The following AGBL4 variants were observed in gnomAD, a reference collection of about 807,000 sequenced individuals.
The protein encoded by AGBL4 is AGBL carboxypeptidase 4.
In AGBL4, 58 loss-of-function variants were observed where a neutral mutation model predicts 66.4. The ratio of observed to expected loss-of-function variants is 0.87; its 90% CI spans 0.71 to 1.09. The LOEUF is 1.09. Ranked by LOEUF, AGBL4 falls within the 50% of genes least tolerant of loss-of-function variation. AGBL4 has a pLI of 0.00. For synonymous variants in AGBL4, 234 were observed against 222.9 expected (o/e 1.05, Z -0.44); for missense variants, 579 against 631.0 (o/e 0.92, Z 0.88).
At chr1:48,589,179 C>T (rs775794567) in intron 10 of AGBL4, among the ~76,000 whole-genome samples, 50 of 152,166 alleles carry the variant, frequency 3.3e-4, no homozygotes, top group Non-Finnish European at 5.6e-4. Context: ...GAGCTACCTG[C>T]TTTGATTCTA....
At chr1:49,929,796 G>A (rs1571891719) in intron 1 of AGBL4, among the ~76,000 whole-genome samples, 1 of 152,038 alleles carries the variant, frequency 6.6e-6, no homozygotes, top group East Asian at 1.9e-4. Flanking sequence ...GTATTGTGTA[G>A]TCTATAAAAC....
chr1:48,712,509 T>TAATAAC, intron 6 of AGBL4, among the ~76,000 whole-genome samples: 1 of 152,176 alleles, frequency 6.6e-6, no homozygotes, highest in East Asian at 1.9e-4. Context: ...ATAGTGATAA[T>TAATAAC]AATAACATAG....
chr1:48,701,437 C>CT (rs369340298), intron 6 of AGBL4, among the ~76,000 whole-genome samples: 11 of 57,534 alleles, frequency 1.9e-4, no homozygotes, highest in South Asian at 3.3e-3. Context: ...ACCAGATTGG[C>CT]TTTTTTTTCT....
chr1:49,139,987 G>T (rs1040174189), intron 4 of AGBL4, among the ~76,000 whole-genome samples: 14 of 152,082 alleles, frequency 9.2e-5, no homozygotes, highest in African/African-American at 3.1e-4. Flanking sequence ...TCCACAAAAA[G>T]GGGGCTCAAA....
chr1:49,757,236 G>A (rs1178458325), intron 2 of AGBL4, among the ~76,000 whole-genome samples: 1 of 151,978 alleles, frequency 6.6e-6, no homozygotes. Flanking sequence ...ATTTTTTGAG[G>A]CTTCCCAGCC....
intron 6 of AGBL4, 99 bp from the exon 7 acceptor site, chr1:48,663,340 GT>G: frequency 1.8e-6 from 2 of 1,106,820 alleles, no homozygotes; most frequent in Non-Finnish European, 2.8e-6. Context: ...TGGGCTGGAT[GT>G]TTTACATTTA....
chr1:48,751,898 C>CTTTTAAAA (rs1651798705), intron 6 of AGBL4, among the ~76,000 whole-genome samples: 1 of 152,184 alleles, frequency 6.6e-6, no homozygotes, highest in Admixed American at 6.5e-5. Context: ...CTGAAATCAA[C>CTTTTAAAA]TTTTAAAATA....
At chr1:49,976,189 T>C (rs1312140771) in intron 1 of AGBL4, among the ~76,000 whole-genome samples, 1 of 152,230 alleles carries the variant, frequency 6.6e-6, no homozygotes, top group Non-Finnish European at 1.5e-5. Flanking sequence ...ATTATTTGTC[T>C]TTTTAATTTT....
chr1:49,174,567 G>A (rs1646796756), intron 4 of AGBL4, among the ~76,000 whole-genome samples: 1 of 152,062 alleles, frequency 6.6e-6, no homozygotes, highest in Non-Finnish European at 1.5e-5. Context: ...AGAACAAAAT[G>A]AAATTGTTTA....
intron 2 of AGBL4, among the ~76,000 whole-genome samples, chr1:49,734,849 ATTATT>A (rs1303551789): frequency 2.6e-5 from 4 of 151,214 alleles, no homozygotes; most frequent in African/African-American, 9.7e-5. Context: ...GGAAACTTAT[ATTATT>A]TTATTTCAAA....
chr1:49,700,276 C>A (rs1490830958), intron 2 of AGBL4, among the ~76,000 whole-genome samples: 3 of 148,436 alleles, frequency 2.0e-5, no homozygotes, highest in African/African-American at 7.4e-5. Flanking sequence ...GGTAATTCCA[C>A]CAAGAACATA....
chr1:49,941,097 C>G (rs560335849), intron 1 of AGBL4, among the ~76,000 whole-genome samples: 1 of 152,132 alleles, frequency 6.6e-6, no homozygotes, highest in Admixed American at 6.5e-5. Flanking sequence ...ACATATACAA[C>G]CTACCTAATA....
At chr1:49,201,922 T>A (rs1459056242) in intron 4 of AGBL4, among the ~76,000 whole-genome samples, 2 of 151,836 alleles carry the variant, frequency 1.3e-5, no homozygotes, top group African/African-American at 4.8e-5. Context: ...GTGGGAGAGA[T>A]GGAAAATCCC....
chr1:49,974,997 A>G (rs1326962078), intron 1 of AGBL4, among the ~76,000 whole-genome samples: 1 of 152,226 alleles, frequency 6.6e-6, no homozygotes, highest in Non-Finnish European at 1.5e-5. Context: ...TTTTAACAAA[A>G]GTATTCCATA....
intron 11 of AGBL4, among the ~76,000 whole-genome samples, chr1:48,543,911 G>T (rs1030565496): frequency 1.3e-5 from 2 of 152,132 alleles, no homozygotes; most frequent in Admixed American, 6.5e-5. Flanking sequence ...TTTGTCCAAG[G>T]CCACATAACT....
chr1:48,922,080 G>A (rs913109366), intron 5 of AGBL4, among the ~76,000 whole-genome samples: 7 of 152,134 alleles, frequency 4.6e-5, no homozygotes, highest in African/African-American at 1.4e-4. Flanking sequence ...GAGGGGCACA[G>A]CCCTTCTAGT....
At chr1:49,272,958 G>C (rs1306432529) in intron 3 of AGBL4, among the ~76,000 whole-genome samples, 1 of 152,044 alleles carries the variant, frequency 6.6e-6, no homozygotes, top group Non-Finnish European at 1.5e-5. Flanking sequence ...GGGTATTTTA[G>C]TCAGACGAGT....
chr1:49,485,637 A>C (rs960100885), intron 3 of AGBL4, among the ~76,000 whole-genome samples: 1 of 146,144 alleles, frequency 6.8e-6, no homozygotes, highest in East Asian at 2.0e-4. Flanking sequence ...AGGTGAAATT[A>C]AAAAAAAAAA....
intron 3 of AGBL4, among the ~76,000 whole-genome samples, chr1:49,314,077 T>G (rs1048509303): frequency 1.3e-5 from 2 of 152,192 alleles, no homozygotes; most frequent in African/African-American, 4.8e-5. Flanking sequence ...GCTTCAGTGT[T>G]CTGCATATGG....
Sources: gnomAD v4.1 joint callset for allele counts (sites outside exome capture counted in the v4.1 genomes callset) on GRCh38, gnomAD v4.1.1 for gene constraint, MANE v1.5 for transcripts, NCBI Gene and HGNC (gene_info 2026-07-23, HGNC 2026-07-21) for gene names.